CDK14: variants seen among roughly 807,000 people sequenced by gnomAD.
The protein encoded by CDK14 is cyclin dependent kinase 14, also known as cyclin-dependent kinase 14.
In CDK14, 34 loss-of-function variants were observed where a neutral mutation model predicts 60.7. That is an observed-to-expected ratio of 0.56 (90% CI 0.43 to 0.75). The LOEUF is 0.75. CDK14 is among the 30% of genes least tolerant of loss of function. The pLI is 0.00. For missense variants in CDK14, 482 were observed against 564.1 expected (o/e 0.85, Z 1.47); for synonymous variants, 197 against 203.7 (o/e 0.97, Z 0.28).
chr7:91,078,162 A>T (rs762778645), intron 11 of CDK14, among the ~76,000 whole-genome samples: 2 of 152,176 alleles, frequency 1.3e-5, no homozygotes, highest in African/African-American at 4.8e-5. Context: ...AAATGAAAGC[A>T]TCTGTAGGTA....
intron 12 of CDK14, among the ~76,000 whole-genome samples, chr7:91,092,787 T>C (rs1047275088): frequency 3.3e-5 from 5 of 152,216 alleles, no homozygotes; most frequent in African/African-American, 1.2e-4. Flanking sequence ...CTCTTCCTCA[T>C]AACATAGAGT....
In CDK14 at chr7:90,710,036, A is replaced by G. The variant is rs1253425529; in HGVS notation, c.124-16531A>G. 3 of 898,450 alleles carry G rather than the reference A, an allele frequency of 3.3e-6. No individual in the cohort carries two copies. In the African/African-American group the frequency reaches 5.4e-5, roughly 16 times the overall value. 55.7% of individuals were successfully genotyped at this position (898,450 alleles called of 1,614,324 possible). A position where few individuals can be genotyped will look rare whatever the true frequency, so the allele number is the denominator to read the frequency against. Reference sequence around the variant, plus strand: ...GGCAAGTCTGAATCCTGACTCACTCATTTACAACTTAAAAAGGATTCATTT... The same window carrying G: ...GGCAAGTCTGAATCCTGACTCACTCGTTTACAACTTAAAAAGGATTCATTT... On this transcript the variant is annotated intron_variant, in intron 2 of 14. Transcript: ENST00000380050.
chr7:91,189,466 CT>C (rs1802290257), intron 14 of CDK14, among the ~76,000 whole-genome samples: 1 of 152,094 alleles, frequency 6.6e-6, no homozygotes, highest in Non-Finnish European at 1.5e-5. Context: ...TTATGTGTAT[CT>C]TTTCAGATCA....
At chr7:90,762,850 G>A (rs1804376820) in intron 4 of CDK14, among the ~76,000 whole-genome samples, 1 of 152,052 alleles carries the variant, frequency 6.6e-6, no homozygotes, top group Non-Finnish European at 1.5e-5. Flanking sequence ...AGCCAGGCAT[G>A]GTGGCACATG....
chr7:90,865,431 C>T (rs987924436), intron 6 of CDK14, among the ~76,000 whole-genome samples: 3 of 152,108 alleles, frequency 2.0e-5, no homozygotes, highest in Admixed American at 6.6e-5. Context: ...TTGGATATCT[C>T]AAGAAAAATT....
At chr7:90,790,530 G>T in intron 4 of CDK14, 43 bp from the exon 5 acceptor site, 2 of 1,283,528 alleles carry the variant, frequency 1.6e-6, no homozygotes, top group South Asian at 1.2e-5. Context: ...AACTATAATG[G>T]GCACATATTT....
intron 4 of CDK14, among the ~76,000 whole-genome samples, chr7:90,785,270 A>G (rs1805530283): frequency 6.6e-6 from 1 of 152,218 alleles, no homozygotes; most frequent in South Asian, 2.1e-4. Context: ...GTTTTCAGAG[A>G]TGACACAGAT....
chr7:90,946,414 T>A (rs973884550), intron 8 of CDK14, among the ~76,000 whole-genome samples: 3 of 152,138 alleles, frequency 2.0e-5, no homozygotes, highest in African/African-American at 4.8e-5. Context: ...AATAGGCCTC[T>A]CCTCAAATAG....
chr7:91,062,036 G>A (rs1010254540), intron 11 of CDK14, among the ~76,000 whole-genome samples: 2 of 152,202 alleles, frequency 1.3e-5, no homozygotes, highest in African/African-American at 2.4e-5. Context: ...CTTGAGCTGC[G>A]ATGGGCTCCA....
intron 14 of CDK14, among the ~76,000 whole-genome samples, chr7:91,119,633 T>G (rs1001126426): frequency 6.6e-6 from 1 of 152,242 alleles, no homozygotes; most frequent in Non-Finnish European, 1.5e-5. Context: ...AATTTTAAAC[T>G]GTACACATTG....
chr7:90,670,983 A>G (rs1356069206), intron 2 of CDK14, among the ~76,000 whole-genome samples: 2 of 152,090 alleles, frequency 1.3e-5, no homozygotes, highest in African/African-American at 2.4e-5. Context: ...TTACAGTAAA[A>G]TTGCTGAGGA....
At chr7:90,984,125 A>C in intron 9 of CDK14, 23 bp from the exon 10 acceptor site, 1 of 1,493,772 alleles carries the variant, frequency 6.7e-7, no homozygotes, top group Non-Finnish European at 9.3e-7. Context: ...AAGTTTTGTA[A>C]CGATTCTTTC....
chr7:91,201,124 G>T (rs77182634), intron 14 of CDK14, among the ~76,000 whole-genome samples: 1,613 of 152,212 alleles, frequency 0.011, 12 homozygotes, highest in South Asian at 0.02. Flanking sequence ...CTACATTTGA[G>T]AAGGAGGTTG....
chr7:90,685,918 T>G (rs955183379), intron 2 of CDK14, among the ~76,000 whole-genome samples: 1 of 152,104 alleles, frequency 6.6e-6, no homozygotes, highest in Non-Finnish European at 1.5e-5. Context: ...ATTTATTACC[T>G]GCTGCTTCAT....
intron 8 of CDK14, among the ~76,000 whole-genome samples, chr7:90,949,212 T>C (rs1451728204): frequency 1.3e-5 from 2 of 152,128 alleles, no homozygotes; most frequent in Admixed American, 1.3e-4. Context: ...TTGTTTTGTT[T>C]TGTTTTGTTT....
chr7:90,740,985 A>G (rs1803319867), intron 3 of CDK14, among the ~76,000 whole-genome samples: 2 of 152,252 alleles, frequency 1.3e-5, no homozygotes, highest in Admixed American at 1.3e-4. Context: ...ATGTAGCTCT[A>G]GGAGCTCTGA....
At chr7:90,771,594 A>C (rs1804785977) in intron 4 of CDK14, among the ~76,000 whole-genome samples, 1 of 152,236 alleles carries the variant, frequency 6.6e-6, no homozygotes, top group Non-Finnish European at 1.5e-5. Flanking sequence ...AGAATGGTCA[A>C]ATATGTGCTG....
In CDK14 at chr7:90,705,844, C is replaced by T. The variant is rs58322994; in HGVS notation, c.124-20723C>T. Reference sequence around the variant, plus strand: ...TTATTGAGATTAGGAGCCAGTTGGCCCTGTATACCTACTGTTAAACCCCGA... The same window carrying T: ...TTATTGAGATTAGGAGCCAGTTGGCTCTGTATACCTACTGTTAAACCCCGA... On this transcript the variant is annotated intron_variant, in intron 2 of 14. Coordinates refer to ENST00000380050, the MANE Select transcript of CDK14 (RefSeq NM_001287135.2). 3.7e-3 allele frequency among the ~76,000 whole-genome samples: 565 copies of T among 151,688 alleles called. 9 individuals carry two copies. Among genetic ancestry groups the T allele is most frequent in the African/African-American group, 0.013 (540 of 41,318 alleles).
chr7:91,026,754 G>A (rs1249763253), intron 10 of CDK14, among the ~76,000 whole-genome samples: 1 of 152,064 alleles, frequency 6.6e-6, no homozygotes, highest in Non-Finnish European at 1.5e-5. Context: ...TCCCACTTAG[G>A]GTTTATTGTT....
Sources: gnomAD v4.1 joint callset for allele counts (sites outside exome capture counted in the v4.1 genomes callset) on GRCh38, gnomAD v4.1.1 for gene constraint, MANE v1.5 for transcripts, NCBI Gene and HGNC (gene_info 2026-07-23, HGNC 2026-07-21) for gene names.